Variants in TGFBRAP1 observed in about 807,000 individuals in gnomAD.
TGFBRAP1 encodes transforming growth factor-beta receptor-associated protein 1.
Under a neutral mutation model 83.2 loss-of-function variants are expected in TGFBRAP1, and 20 were observed. The ratio of observed to expected loss-of-function variants is 0.24; its 90% confidence interval spans 0.17 to 0.35. The LOEUF is 0.35. Ranked by LOEUF, TGFBRAP1 falls within the 10% of genes least tolerant of loss-of-function variation. The pLI, the probability that TGFBRAP1 is intolerant of heterozygous loss-of-function variation, is 1.00. For missense variants in TGFBRAP1, 950 were observed against 1,099.4 expected (o/e 0.86, Z 1.92); for synonymous variants, 415 against 459.8 (o/e 0.90, Z 1.25).
At chr2:105,317,684 C>T (rs750798232) in intron 1 of TGFBRAP1, among the ~76,000 whole-genome samples, 1 of 151,984 alleles carries the variant, frequency 6.6e-6, no homozygotes, top group South Asian at 2.1e-4. Flanking sequence ...TCAAAAGACA[C>T]CATGAAGAAA....
rs1307067348 is a variant in TGFBRAP1, at chr2:105,269,850, G to A, written c.1973-145C>T. ...GCCAAATGCTGCCACCCAGATGACT[G>A]AGGGTAGGTTTTCTTGCATTTTCAC... On this transcript the variant is annotated intron_variant, in intron 10 of 11. Coordinates refer to ENST00000393359, the MANE Select transcript of TGFBRAP1 (RefSeq NM_004257.6). The surrounding 1 kb of genome is among the most constrained non-coding windows in gnomAD (Gnocchi z 4.1). 5.7e-6 allele frequency: 5 copies of A among 872,140 alleles called. No homozygotes were observed. In the African/African-American group the frequency reaches 6.8e-5, roughly 12 times the overall value. The allele number at this position is 872,140 out of a possible 1,614,324, so 54.0% of individuals were successfully genotyped here.
downstream of TGFBRAP1, among the ~76,000 whole-genome samples, chr2:105,259,760 G>T (rs181751303): frequency 2.6e-5 from 4 of 152,272 alleles, no homozygotes; most frequent in African/African-American, 9.6e-5. Flanking sequence ...ATCTCGTTCT[G>T]AATCAGCTTT....
chr2:105,267,634 A>G (rs1676992040), intron 11 of TGFBRAP1, 75 bp from the exon 12 acceptor site: 3 of 1,585,508 alleles, frequency 1.9e-6, no homozygotes, highest in Non-Finnish European at 2.6e-6. Flanking sequence ...CTAGTTTTGC[A>G]GAGTTGACAT....
rs115983880 is a variant in TGFBRAP1, at chr2:105,297,442, T to G, written c.884-932A>C. On this transcript the variant is annotated intron_variant, in intron 3 of 11. Coordinates refer to ENST00000393359, the MANE Select transcript of TGFBRAP1 (RefSeq NM_004257.6). ...CACCGCACCACAACACTGCTCTGTG[T>G]GTGACCCCAGCGCATGCGCCAGAGC... is the stretch of plus-strand genomic sequence containing the variant. Among the ~76,000 whole-genome samples the G allele has an allele frequency of 5.7e-3, 870 of 152,332 alleles. 9 individuals carry two copies. Among genetic ancestry groups the G allele is most frequent in the African/African-American group, 0.02 (834 of 41,576 alleles).
chr2:105,296,607 C>T (rs937638892), intron 3 of TGFBRAP1, 97 bp from the exon 4 acceptor site: 30 of 1,346,292 alleles, frequency 2.2e-5, no homozygotes, highest in Middle Eastern at 4.1e-4. Flanking sequence ...CTGATTTGTT[C>T]AACAACTTCA....
rs141519266 is a variant in TGFBRAP1, at chr2:105,308,279, G to A, written c.23C>T (p.Thr8Met). The A allele has an allele frequency of 1.4e-4, 233 of 1,612,486 alleles. 1 individual carries two copies. The highest frequency in any genetic ancestry group is 1.7e-4 in the Non-Finnish European group (196 of 1,178,630). ...CTCCCGCTCCACAGCAGAGACAAGC[G>A]TAAAGGCTTTGATGCTCATCATGTC... is the stretch of plus-strand genomic sequence containing the variant. MMSIKAFTLVSAVERELL... is the reference protein window; with the variant it reads MMSIKAFMLVSAVERELL... Residue 8 changes from threonine to methionine, a missense_variant, in exon 2 of 12, where the codon ACG becomes ATG. By Grantham distance (81) the Thr-to-Met change is moderately conservative (BLOSUM62 -1). Coordinates refer to ENST00000393359, the MANE Select transcript of TGFBRAP1 (RefSeq NM_004257.6).
At chr2:105,254,254 A>G in the TGFBRAP1 span, among the ~76,000 whole-genome samples, 1 of 152,148 alleles carries the variant, frequency 6.6e-6, no homozygotes, top group East Asian at 1.9e-4. Flanking sequence ...GAGCTGGAGA[A>G]TTCCCAGAAC....
intron 2 of TGFBRAP1, among the ~76,000 whole-genome samples, chr2:105,299,643 C>T (rs1488785039): frequency 1.3e-5 from 2 of 151,846 alleles, no homozygotes; most frequent in Non-Finnish European, 2.9e-5. Flanking sequence ...GTCTATAATC[C>T]CAGCTACTTG....
chr2:105,273,398 G>T, intron 9 of TGFBRAP1, 146 bp downstream of exon 9: 1 of 1,118,020 alleles, frequency 8.9e-7, no homozygotes, highest in Non-Finnish European at 1.2e-6. Flanking sequence ...CTTTCCGCAA[G>T]CCTCAAGGCC....
In TGFBRAP1 at chr2:105,269,762, C is replaced by T. The variant is rs2241798; in HGVS notation, c.1973-57G>A. On this transcript the variant is annotated intron_variant, in intron 10 of 11. Coordinates refer to ENST00000393359, the MANE Select transcript of TGFBRAP1 (RefSeq NM_004257.6). The surrounding 1 kb of genome is among the most constrained non-coding windows in gnomAD (Gnocchi z 4.1). ...AGGGGCTCGCCGGCCACCCGCCCAG[C>T]GACTGGCCTCCTTGCTGCTCTGGGC... The T allele has an allele frequency of 8.0e-5, 115 of 1,436,092 alleles. No individual in the cohort carries two copies. The highest frequency in any genetic ancestry group is 1.2e-4 in the South Asian group (8 of 67,274). 89.0% of individuals were successfully genotyped at this position (1,436,092 alleles called of 1,614,324 possible). A position where few individuals can be genotyped will look rare whatever the true frequency, so the allele number is the denominator to read the frequency against.
intron 1 of TGFBRAP1, among the ~76,000 whole-genome samples, chr2:105,319,359 G>T (rs1678986606): frequency 6.7e-6 from 1 of 148,266 alleles, no homozygotes; most frequent in South Asian, 2.3e-4. Context: ...ACTGCGCCTG[G>T]CCAAGAGCAA....
At chr2:105,256,807 G>A in the TGFBRAP1 span, among the ~76,000 whole-genome samples, 4 of 152,202 alleles carry the variant, frequency 2.6e-5, no homozygotes, top group Admixed American at 2.6e-4. Context: ...GGATGAGATA[G>A]AAGGTCGGCA....
intron 4 of TGFBRAP1, among the ~76,000 whole-genome samples, chr2:105,289,280 T>C (rs1045261602): frequency 2.0e-5 from 3 of 151,948 alleles, no homozygotes; most frequent in East Asian, 3.9e-4. Flanking sequence ...GAGAGAAAAA[T>C]GATGTGCTAA....
intron 1 of TGFBRAP1, among the ~76,000 whole-genome samples, chr2:105,313,785 T>G (rs1678764831): frequency 6.6e-6 from 1 of 151,786 alleles, no homozygotes; most frequent in South Asian, 2.1e-4. Context: ...CTCACCACAT[T>G]TATAAATTAA....
rs140760303 is a variant in TGFBRAP1 at position 105,280,870 on chromosome 2, G to A, written c.1122-147C>T. ...ACAGGGTAATCATGTCAGAGCAACC[G>A]TTCTAATCTGAAGTGCAGCAAAGCA... On this transcript the variant is annotated intron_variant, in intron 5 of 11. Transcript: ENST00000393359. 7.4e-5 allele frequency: 66 copies of A among 895,196 alleles called. No homozygotes were observed. In the African/African-American group the frequency reaches 9.1e-4, roughly 12 times the overall value. The allele number at this position is 895,196 out of a possible 1,614,324, so 55.5% of individuals were successfully genotyped here. A position where few individuals can be genotyped will look rare whatever the true frequency, so the allele number is the denominator to read the frequency against.
At chr2:105,293,949 C>A (rs1390316997) in intron 4 of TGFBRAP1, among the ~76,000 whole-genome samples, 4 of 152,002 alleles carry the variant, frequency 2.6e-5, no homozygotes, top group African/African-American at 9.7e-5. Flanking sequence ...TTAGCTCTGC[C>A]CAGAGGAAAG....
chr2:105,298,617 G>A lies in TGFBRAP1; in HGVS notation c.777C>T (p.Tyr259=), dbSNP rs751611940. Residue 259 remains tyrosine, a synonymous_variant, in exon 3 of 12, where the codon TAC becomes TAT. Coordinates refer to ENST00000393359, the MANE Select transcript of TGFBRAP1 (RefSeq NM_004257.6). Reference sequence around the variant, plus strand: ...TGAATTCGTCATCGAGCGCTATGACGTATGGAAAGGACACAGCCGCCCCAA... The same window carrying A: ...TGAATTCGTCATCGAGCGCTATGACATATGGAAAGGACACAGCCGCCCCAA... The part of the protein sequence containing the change: ...NVIGAAVSFP[Y]VIALDDEFIT... 6.8e-6 allele frequency: 11 copies of A among 1,614,050 alleles called. No individual in the cohort carries two copies. Among genetic ancestry groups the A allele is most frequent in the East Asian group, 2.2e-5 (1 of 44,876 alleles).
At chr2:105,252,880 G>A in the TGFBRAP1 span, among the ~76,000 whole-genome samples, 1 of 149,124 alleles carries the variant, frequency 6.7e-6, no homozygotes, top group Non-Finnish European at 1.5e-5. Flanking sequence ...AGCCTCCCGA[G>A]TAGCTGGGAC....
chr2:105,270,656 T>C (rs1677122954), intron 10 of TGFBRAP1, among the ~76,000 whole-genome samples: 1 of 152,242 alleles, frequency 6.6e-6, no homozygotes, highest in South Asian at 2.1e-4. Context: ...ATGGCAGACA[T>C]TGCTACCTGT....
Sources: allele counts gnomAD v4.1 joint callset (sites outside exome capture counted in the v4.1 genomes callset), GRCh38; gene constraint gnomAD v4.1.1; non-coding constraint Gnocchi (gnomAD v3.1); transcripts MANE v1.5; gene names NCBI Gene and HGNC (gene_info 2026-07-23, HGNC 2026-07-21).